Variants in SDK1 observed in about 807,000 individuals in gnomAD.
The protein encoded by SDK1 is sidekick cell adhesion molecule 1.
A neutral mutation model predicts 245.5 loss-of-function variants in SDK1; 157 were observed. That is an observed-to-expected ratio of 0.64 (90% confidence interval 0.56 to 0.73). SDK1 has a LOEUF of 0.73. SDK1 is among the 30% of genes least tolerant of loss of function. The pLI is 0.00. For missense variants in SDK1, 3,583 were observed against 3,002.3 expected (o/e 1.19, Z -4.52); for synonymous variants, 1,647 against 1,278.5 (o/e 1.29, Z -6.15).
At chr7:3,958,860 A>C in intron 7 of SDK1, 71 bp from the exon 8 acceptor site, 1 of 1,196,268 alleles carries the variant, frequency 8.4e-7, no homozygotes, top group Non-Finnish European at 1.2e-6. Context: ...AGCCCACACT[A>C]TCTTAGGTTA....
At chr7:3,973,628 G>C (rs1004503228) in intron 12 of SDK1, among the ~76,000 whole-genome samples, 5 of 151,434 alleles carry the variant, frequency 3.3e-5, no homozygotes, top group African/African-American at 1.2e-4. Flanking sequence ...TTAAACAGTC[G>C]TTGCCTCCTG....
intron 40 of SDK1, among the ~76,000 whole-genome samples, chr7:4,224,330 A>G (rs150065843): frequency 0.025 from 3,851 of 152,342 alleles, 70 homozygotes; most frequent in South Asian, 0.081. Context: ...GAAGCTTCCA[A>G]TCATGGCAGA....
At position 3,769,779 on chromosome 7, in the gene SDK1, C is replaced by T. The variant is rs1273273620; in HGVS notation, c.714-51671C>T. Among the ~76,000 whole-genome samples, 3 of 151,984 alleles carry T rather than the reference C, an allele frequency of 2.0e-5. 1 individual carries two copies. The South Asian group carries it at 6.2e-4, about 32-fold the overall frequency. Reference sequence around the variant, plus strand: ...GTTACCAGGCCTGGCTTACTTTCTGCTGTTGGTGAGGGAAGGAAGGTAACG... The same window carrying T: ...GTTACCAGGCCTGGCTTACTTTCTGTTGTTGGTGAGGGAAGGAAGGTAACG... On this transcript the variant is annotated intron_variant, in intron 4 of 44. Transcript: ENST00000404826.
chr7:3,781,738 A>G (rs941299004), intron 4 of SDK1, among the ~76,000 whole-genome samples: 1 of 152,196 alleles, frequency 6.6e-6, no homozygotes, highest in South Asian at 2.1e-4. Flanking sequence ...ATAAAAAAAA[A>G]CAAATCTTAG....
chr7:3,440,125 T>C (rs1224455251), intron 1 of SDK1, among the ~76,000 whole-genome samples: 2 of 152,148 alleles, frequency 1.3e-5, no homozygotes, highest in African/African-American at 2.4e-5. Flanking sequence ...AAATAATTCA[T>C]CAGTTTTAAA....
intron 1 of SDK1, among the ~76,000 whole-genome samples, chr7:3,553,469 G>C (rs1340733548): frequency 1.3e-5 from 2 of 152,050 alleles, no homozygotes; most frequent in Admixed American, 1.3e-4. Flanking sequence ...TTGGGGCCCA[G>C]GACTAAAGGA....
At chr7:3,858,978 T>A (rs963234411) in intron 5 of SDK1, among the ~76,000 whole-genome samples, 1 of 150,672 alleles carries the variant, frequency 6.6e-6, no homozygotes, top group Non-Finnish European at 1.5e-5. Flanking sequence ...TTCTCCTGCC[T>A]CAGCCTCCCG....
intron 4 of SDK1, among the ~76,000 whole-genome samples, chr7:3,796,471 A>G (rs76232510): frequency 0.023 from 3,451 of 152,274 alleles, 137 homozygotes; most frequent in African/African-American, 0.079. Context: ...ACCCCTGCAC[A>G]TTCCCTGCCC....
chr7:4,093,942 G>A (rs1404287308), intron 22 of SDK1, among the ~76,000 whole-genome samples: 1 of 152,192 alleles, frequency 6.6e-6, no homozygotes, highest in Non-Finnish European at 1.5e-5. Context: ...GGTGAATCCT[G>A]GGGAAAATGT....
intron 1 of SDK1, among the ~76,000 whole-genome samples, chr7:3,568,012 G>C (rs1283754214): frequency 6.6e-6 from 1 of 151,970 alleles, no homozygotes; most frequent in African/African-American, 2.4e-5. Context: ...GCAGAGACCA[G>C]GTCTCACTAT....
chr7:4,207,667 G>T (rs570594626), intron 36 of SDK1, among the ~76,000 whole-genome samples: 2 of 152,056 alleles, frequency 1.3e-5, no homozygotes, highest in Admixed American at 6.5e-5. Flanking sequence ...GGAGCAGGGG[G>T]TGGACACGGG....
At chr7:3,988,824 T>C (rs570175293) in intron 14 of SDK1, among the ~76,000 whole-genome samples, 1 of 152,178 alleles carries the variant, frequency 6.6e-6, no homozygotes, top group African/African-American at 2.4e-5. Flanking sequence ...CAGGCTGGAG[T>C]GCAGTGGCAT....
intron 5 of SDK1, among the ~76,000 whole-genome samples, chr7:3,919,992 G>C (rs1046933370): frequency 1.3e-5 from 2 of 152,152 alleles, no homozygotes; most frequent in Admixed American, 1.3e-4. Flanking sequence ...GAAGGCTTTA[G>C]GGAGTGGATG....
At chr7:4,046,533 A>T (rs1197859112) in intron 17 of SDK1, among the ~76,000 whole-genome samples, 1 of 152,184 alleles carries the variant, frequency 6.6e-6, no homozygotes, top group Non-Finnish European at 1.5e-5. Context: ...ATGAATGTCT[A>T]ATATTTCCAG....
intron 4 of SDK1, among the ~76,000 whole-genome samples, chr7:3,686,861 A>G (rs1035095259): frequency 6.6e-6 from 1 of 152,160 alleles, no homozygotes; most frequent in Non-Finnish European, 1.5e-5. Flanking sequence ...AGTAGGTTCC[A>G]GGGCACTGGG....
chr7:4,023,473 A>C (rs948695980), intron 17 of SDK1, among the ~76,000 whole-genome samples: 2 of 152,196 alleles, frequency 1.3e-5, no homozygotes, highest in Non-Finnish European at 2.9e-5. Context: ...CCGCATATCA[A>C]ATTTCCATGA....
intron 1 of SDK1, among the ~76,000 whole-genome samples, chr7:3,409,174 C>T (rs1779131488): frequency 6.6e-6 from 1 of 152,178 alleles, no homozygotes. Context: ...TAACATGAGC[C>T]TTGTTATTCA....
At chr7:4,164,185 A>G (rs1400813373) in intron 32 of SDK1, among the ~76,000 whole-genome samples, 1 of 152,182 alleles carries the variant, frequency 6.6e-6, no homozygotes, top group Non-Finnish European at 1.5e-5. Context: ...GGAACCACGA[A>G]AACAGCCTGG....
At chr7:3,315,046 G>A (rs1027865359) in intron 1 of SDK1, among the ~76,000 whole-genome samples, 5 of 152,142 alleles carry the variant, frequency 3.3e-5, no homozygotes, top group Non-Finnish European at 5.9e-5. Context: ...CCCTATCTGT[G>A]TTCGTCAACA....
Sources: gnomAD v4.1 joint callset for allele counts (sites outside exome capture counted in the v4.1 genomes callset) on GRCh38, gnomAD v4.1.1 for gene constraint, MANE v1.5 for transcripts, NCBI Gene and HGNC (gene_info 2026-07-23, HGNC 2026-07-21) for gene names.